Variants in IL17RA observed in about 807,000 individuals in gnomAD.
IL17RA encodes the protein interleukin 17 receptor A, also known as interleukin-17 receptor A.
A neutral mutation model predicts 50.4 loss-of-function variants in IL17RA; 34 were observed. That is an observed-to-expected ratio of 0.67 (90% CI 0.51 to 0.90). The LOEUF is 0.90. Among genes scored for constraint, IL17RA ranks in the 40% least tolerant of loss-of-function variants. The pLI is 0.00. For synonymous variants in IL17RA, 585 were observed against 510.4 expected (o/e 1.15, Z -1.97); for missense variants, 1,276 against 1,169.8 (o/e 1.09, Z -1.32).
At chr22:17,105,659 GCCACTTGAGAAGTCCCTGCCT>G in intron 10 of IL17RA, 57 bp downstream of exon 10, 1 of 1,593,044 alleles carries the variant, frequency 6.3e-7, no homozygotes, top group Non-Finnish European at 8.6e-7. Flanking sequence ...TTCCCCAGTG[GCCACTTGAGAAGTCCCTGCCT>G]CAGCCAGGCA....
chr22:17,088,632 A>G lies in IL17RA; in HGVS notation c.138+3403A>G, dbSNP rs1410976064. ...TCCCAAGTAGCTGGGACTAGCAGGC[A>G]TGCACCATGATGCCCAGCTAATTTT... On this transcript the variant is annotated intron_variant, in intron 1 of 12. Coordinates refer to ENST00000319363, the MANE Select transcript of IL17RA (RefSeq NM_014339.7). Among the ~76,000 whole-genome samples, 30 of 151,614 alleles carry G rather than the reference A, an allele frequency of 2.0e-4. 1 individual carries two copies. The highest frequency in any genetic ancestry group is 1.9e-4 in the East Asian group (1 of 5,130).
intron 3 of IL17RA, among the ~76,000 whole-genome samples, chr22:17,098,418 T>C (rs2061376672): frequency 6.6e-6 from 1 of 152,158 alleles, no homozygotes; most frequent in African/African-American, 2.4e-5. Flanking sequence ...GAAGTTCTTT[T>C]TGGAAGTCCC....
rs376575302 is a variant in IL17RA at position 17,098,792 on chromosome 22, G to A, written c.328G>A (p.Glu110Lys). 2.6e-5 allele frequency: 42 copies of A among 1,614,104 alleles called. No homozygotes were observed. Among genetic ancestry groups the A allele is most frequent in the South Asian group, 1.1e-4 (10 of 91,086 alleles). ...LQTDASILYL[E>K]GAELSVLQLN... ...TCCTGCAGCCAGCATCCTGTACCTCGAGGGTGCAGAGTTATCTGTCCTGCA... is the reference window on the plus strand; with the variant it reads ...TCCTGCAGCCAGCATCCTGTACCTCAAGGGTGCAGAGTTATCTGTCCTGCA... Residue 110 changes from glutamate to lysine, a missense_variant, in exon 4 of 13, where the codon GAG becomes AAG. By Grantham distance (56) the Glu-to-Lys change is moderately conservative. Transcript: ENST00000319363.
rs983739945 is a variant in IL17RA at position 17,111,642 on chromosome 22, C to T, written c.*1822C>T. The T allele has an allele frequency of 1.3e-5, 2 of 152,138 alleles. No homozygotes were observed. Among genetic ancestry groups the T allele is most frequent in the African/African-American group, 4.8e-5 (2 of 41,392 alleles). 9.4% of individuals were successfully genotyped at this position (152,138 alleles called of 1,614,324 possible). On this transcript the variant is annotated 3_prime_UTR_variant, in exon 13 of 13. Transcript: ENST00000319363. ...GAATAGGGTGCCCTTCATTCCTATGCCTGAGTCCTTAACTATATTTCCAAC... is the reference window on the plus strand; with the variant it reads ...GAATAGGGTGCCCTTCATTCCTATGTCTGAGTCCTTAACTATATTTCCAAC...
chr22:17,091,680 A>G (rs1332105993), intron 1 of IL17RA, among the ~76,000 whole-genome samples: 1 of 151,906 alleles, frequency 6.6e-6, no homozygotes, highest in Non-Finnish European at 1.5e-5. Context: ...TCTGTCTCAA[A>G]AAAAAAAAAG....
In IL17RA at chr22:17,085,110, C is replaced by G. The variant is rs534399492; in HGVS notation, c.19C>G (p.Pro7Ala). MGAARS[P>A]PSAVPGPLLG... ...CCGGGCCATGGGGGCCGCACGCAGC[C>G]CGCCGTCCGCTGTCCCGGGGCCCCT... The change falls in exon 1 of 13, where the codon CCG becomes GCG. Residue 7 changes from proline (P) to alanine (A), a missense_variant. Physicochemically the swap from Pro to Ala is conservative, Grantham distance 27. Coordinates refer to ENST00000319363, the MANE Select transcript of IL17RA (RefSeq NM_014339.7). 1 of 1,373,346 alleles carries G rather than the reference C, an allele frequency of 7.3e-7. No homozygotes were observed. The highest frequency in any genetic ancestry group is 3.1e-5 in the East Asian group (1 of 32,728). The allele number at this position is 1,373,346 out of a possible 1,614,324, so 85.1% of individuals were successfully genotyped here.
chr22:17,094,690 T>TGTATATATATATATATAG, intron 1 of IL17RA, among the ~76,000 whole-genome samples: 1 of 79,286 alleles, frequency 1.3e-5, no homozygotes, highest in Non-Finnish European at 2.4e-5. Flanking sequence ...TCTCTCTCTC[T>TGTATATATATATATATAG]CTATATATAT....
intron 1 of IL17RA, among the ~76,000 whole-genome samples, chr22:17,095,226 G>T (rs1369298496): frequency 6.6e-6 from 1 of 152,142 alleles, no homozygotes; most frequent in Non-Finnish European, 1.5e-5. Context: ...TGCTGGAGAG[G>T]TATATGATGA....
At position 17,085,015 on chromosome 22, in the gene IL17RA, G is replaced by T; in HGVS notation, c.-77G>T. On this transcript the variant is annotated 5_prime_UTR_variant, in exon 1 of 13. Transcript: ENST00000319363. The stretch of plus-strand genomic sequence containing the variant: ...AAGTGGAGCCGACTCGAACTCCACC[G>T]CGGAAAAGAAAGCCTCAGAACGTTC... 7.9e-7 allele frequency: 1 copy of T among 1,267,804 alleles called. No homozygotes were observed. The highest frequency in any genetic ancestry group is 1.0e-6 in the Non-Finnish European group (1 of 1,003,730). The allele number at this position is 1,267,804 out of a possible 1,614,324, so 78.5% of individuals were successfully genotyped here. A position where few individuals can be genotyped will look rare whatever the true frequency, so the allele number is the denominator to read the frequency against.
chr22:17,110,056 T>C lies in IL17RA; in HGVS notation c.*236T>C, dbSNP rs2061434423. The C allele has an allele frequency of 3.5e-6, 2 of 570,564 alleles. No individual in the cohort carries two copies. Among genetic ancestry groups the C allele is most frequent in the Non-Finnish European group, 6.3e-6 (2 of 319,470 alleles). 35.3% of individuals were successfully genotyped at this position (570,564 alleles called of 1,614,324 possible). A position where few individuals can be genotyped will look rare whatever the true frequency, so the allele number is the denominator to read the frequency against. ...ACAGCCCGCTCCCAGGAGCTAATGG[T>C]AGAGCGTCCTTGAGGCTCCATTATT... On this transcript the variant is annotated 3_prime_UTR_variant, in exon 13 of 13. Transcript: ENST00000319363.
Position 17,102,097 on chromosome 22 carries a change from G to A in IL17RA, c.599-42G>A, listed in dbSNP as rs140255319. 10,240 of 1,613,942 alleles carry A rather than the reference G, an allele frequency of 6.3e-3. 56 individuals carry two copies. The highest frequency in any genetic ancestry group is 7.1e-3 in the Non-Finnish European group (8,434 of 1,179,884). On this transcript the variant is annotated intron_variant, in intron 6 of 12. Coordinates refer to ENST00000319363, the MANE Select transcript of IL17RA (RefSeq NM_014339.7). ...TGGATGCATACACATGCACATGTGC[G>A]TGCCCCTCCTCACTCCCAGCCTGCG...
At chr22:17,103,628 A>G (rs1350258206) in intron 8 of IL17RA, 51 bp downstream of exon 8, 87 of 1,405,070 alleles carry the variant, frequency 6.2e-5, no homozygotes, top group Non-Finnish European at 8.3e-5. Context: ...GGTGGCAATT[A>G]TAGAGTGGAC....
chr22:17,104,960 G>T, intron 9 of IL17RA, 150 bp downstream of exon 9: 1 of 767,574 alleles, frequency 1.3e-6, no homozygotes. Context: ...AGTGTGGAGT[G>T]GGGCTTTAGA....
At chr22:17,094,691 C>CTCTCTATATATATATATATATA (rs1448096911) in intron 1 of IL17RA, among the ~76,000 whole-genome samples, 5 of 24,696 alleles carry the variant, frequency 2.0e-4, no homozygotes, top group African/African-American at 4.5e-4. Context: ...CTCTCTCTCT[C>CTCTCTATATATATATATATATA]TATATATATA....
At position 17,109,662 on chromosome 22, in the gene IL17RA, G is replaced by A. The variant is rs181691316; in HGVS notation, c.2443G>A (p.Glu815Lys). 7 of 1,604,820 alleles carry A rather than the reference G, an allele frequency of 4.4e-6. No homozygotes were observed. In the Admixed American group the frequency reaches 1.0e-4, roughly 23 times the overall value. Residue 815 changes from glutamate to lysine, a missense_variant, in exon 13 of 13, where the codon GAG becomes AAG. Physicochemically the swap from Glu to Lys is moderately conservative, Grantham distance 56 (BLOSUM62 1). Transcript: ENST00000319363. ...GGGACTCACGGAAATGGAGGAAGAG[G>A]AGGAAGAGGAGCAGGACCCAGGGAA... ...PEGLTEMEEEEEEEQDPGKPA... is the reference protein window; with the variant it reads ...PEGLTEMEEEKEEEQDPGKPA...
rs2061425361 is a variant in IL17RA, at chr22:17,108,762, G to A, written c.1543G>A (p.Asp515Asn). The A allele has an allele frequency of 1.2e-6, 2 of 1,610,454 alleles. No individual in the cohort carries two copies. The highest frequency in any genetic ancestry group is 1.7e-6 in the Non-Finnish European group (2 of 1,178,710). ...GGTCAGCTGTGACGGCGACGTCCCC[G>A]ACCTGTTCGGCGCGGCGCCGCGGTA... ...SEVSCDGDVP[D>N]LFGAAPRYPL... The change falls in exon 13 of 13, where the codon GAC (aspartate) becomes AAC (asparagine). Residue 515 changes from aspartate to asparagine, a missense_variant. Coordinates refer to ENST00000319363, the MANE Select transcript of IL17RA (RefSeq NM_014339.7).
intron 1 of IL17RA, among the ~76,000 whole-genome samples, chr22:17,095,678 T>A (rs187675674): frequency 3.2e-4 from 48 of 151,172 alleles, no homozygotes; most frequent in Admixed American, 5.4e-4. Context: ...TCTCGCCATT[T>A]AGGAAAGAGT....
At chr22:17,085,431 GA>G (rs1292309608) in intron 1 of IL17RA, 1 of 488,164 alleles carries the variant, frequency 2.0e-6, no homozygotes, top group Non-Finnish European at 2.7e-6. Context: ...TTGCGGTGTG[GA>G]ATACGGGGGG....
intron 1 of IL17RA, among the ~76,000 whole-genome samples, chr22:17,092,692 C>T (rs2061352128): frequency 6.6e-6 from 1 of 151,642 alleles, no homozygotes; most frequent in African/African-American, 2.4e-5. Context: ...TCCACACTCT[C>T]GGGGAATATG....
Sources: gnomAD v4.1 joint callset for allele counts (sites outside exome capture counted in the v4.1 genomes callset) on GRCh38, gnomAD v4.1.1 for gene constraint, MANE v1.5 for transcripts, NCBI Gene and HGNC (gene_info 2026-07-23, HGNC 2026-07-21) for gene names.